Variants in APBB1IP observed in about 807,000 individuals in gnomAD.
APBB1IP encodes amyloid beta precursor protein binding family B member 1 interacting protein.
A neutral mutation model predicts 64.9 loss-of-function variants in APBB1IP; 27 were observed. The ratio of observed to expected loss-of-function variants is 0.42; its 90% CI spans 0.31 to 0.57. The LOEUF (loss-of-function observed/expected upper bound fraction) is 0.57. Ranked by LOEUF, APBB1IP falls within the 20% of genes least tolerant of loss-of-function variation. The pLI, the probability that APBB1IP is intolerant of heterozygous loss-of-function variation, is 0.20. For missense variants in APBB1IP, 812 were observed against 845.5 expected (o/e 0.96, Z 0.49); for synonymous variants, 392 against 331.0 (o/e 1.18, Z -2.00).
intron 2 of APBB1IP, among the ~76,000 whole-genome samples, chr10:26,466,461 A>G (rs892079858): frequency 1.3e-5 from 2 of 152,200 alleles, no homozygotes; most frequent in African/African-American, 4.8e-5. Context: ...AAAGAAAGAA[A>G]GTTTTTCATC....
chr10:26,492,834 C>T (rs1229240195), intron 3 of APBB1IP, among the ~76,000 whole-genome samples: 1 of 152,142 alleles, frequency 6.6e-6, no homozygotes, highest in Non-Finnish European at 1.5e-5. Flanking sequence ...GTTCCATGCC[C>T]CGCTGTGCAC....
At chr10:26,502,464 A>G (rs1836117030) in intron 5 of APBB1IP, among the ~76,000 whole-genome samples, 1 of 151,902 alleles carries the variant, frequency 6.6e-6, no homozygotes, top group African/African-American at 2.4e-5. Flanking sequence ...ACACCGTGAA[A>G]CTCCATCTCT....
chr10:26,450,324 C>T (rs534139739), intron 2 of APBB1IP, among the ~76,000 whole-genome samples: 1 of 152,246 alleles, frequency 6.6e-6, no homozygotes, highest in Non-Finnish European at 1.5e-5. Flanking sequence ...AATTAAATCC[C>T]CCCTAGAAGT....
At chr10:26,565,571 C>T (rs1375036472) in intron 14 of APBB1IP, among the ~76,000 whole-genome samples, 1 of 152,162 alleles carries the variant, frequency 6.6e-6, no homozygotes, top group Non-Finnish European at 1.5e-5. Context: ...TTGAACATAG[C>T]CAGATCTTCC....
chr10:26,552,036 T>A (rs1402097789), intron 11 of APBB1IP, among the ~76,000 whole-genome samples: 3 of 152,164 alleles, frequency 2.0e-5, no homozygotes, highest in Admixed American at 6.5e-5. Flanking sequence ...CAGTGGCTCA[T>A]GCCTGTAATC....
At chr10:26,553,371 G>A (rs1836856616) in intron 11 of APBB1IP, among the ~76,000 whole-genome samples, 15 of 151,832 alleles carry the variant, frequency 9.9e-5, no homozygotes. Context: ...ATTCCTTTCA[G>A]CCAGGCACAG....
chr10:26,543,597 C>T (rs117290710), intron 11 of APBB1IP, among the ~76,000 whole-genome samples: 2 of 151,622 alleles, frequency 1.3e-5, no homozygotes, highest in East Asian at 1.9e-4. Context: ...GGTGGGAATG[C>T]GGCAATTAAA....
At chr10:26,475,055 A>G (rs1835759546) in intron 2 of APBB1IP, among the ~76,000 whole-genome samples, 1 of 152,006 alleles carries the variant, frequency 6.6e-6, no homozygotes. Context: ...ACGTGGCTCT[A>G]TGAAAGCAGG....
At chr10:26,442,776 T>C (rs1267963796) in intron 2 of APBB1IP, among the ~76,000 whole-genome samples, 3 of 152,254 alleles carry the variant, frequency 2.0e-5, no homozygotes, top group African/African-American at 7.2e-5. Context: ...AGACATTTCC[T>C]GGTCTCCTTC....
At chr10:26,473,284 G>C (rs560232068) in intron 2 of APBB1IP, among the ~76,000 whole-genome samples, 1 of 152,194 alleles carries the variant, frequency 6.6e-6, no homozygotes, top group Non-Finnish European at 1.5e-5. Flanking sequence ...TGCTAGGTAG[G>C]CATTTGGTAC....
At position 26,504,195 on chromosome 10, in the gene APBB1IP, A is replaced by G. The variant is rs532912869; in HGVS notation, c.531+921A>G. On this transcript the variant is annotated intron_variant, in intron 6 of 14. Transcript: ENST00000376236. ...GCCCTGCTGCTGACCTAGATGTCCA[A>G]GTTATATCCCAGGGTACCAAATGCT... is the stretch of plus-strand genomic sequence containing the variant. Among the ~76,000 whole-genome samples the G allele has an allele frequency of 7.2e-5, 11 of 152,336 alleles. No individual in the cohort carries two copies. In the South Asian group the frequency reaches 8.3e-4, roughly 11 times the overall value.
At chr10:26,540,425 C>T (rs918689780) in intron 10 of APBB1IP, among the ~76,000 whole-genome samples, 15 of 151,994 alleles carry the variant, frequency 9.9e-5, no homozygotes, top group East Asian at 1.9e-4. Context: ...TACTACCAAA[C>T]TATTAACTAT....
chr10:26,527,300 C>A (rs1203213626), intron 8 of APBB1IP, among the ~76,000 whole-genome samples: 1 of 152,126 alleles, frequency 6.6e-6, no homozygotes, highest in Non-Finnish European at 1.5e-5. Flanking sequence ...GTAATCCCAA[C>A]ACTTTGGGAG....
intron 3 of APBB1IP, among the ~76,000 whole-genome samples, chr10:26,495,053 G>A (rs1322269807): frequency 6.6e-6 from 1 of 150,854 alleles, no homozygotes; most frequent in South Asian, 2.1e-4. Flanking sequence ...CTGTCACCAG[G>A]CTGGAGTGCA....
intron 2 of APBB1IP, among the ~76,000 whole-genome samples, chr10:26,464,353 T>C: frequency 6.6e-6 from 1 of 152,198 alleles, no homozygotes; most frequent in East Asian, 1.9e-4. Context: ...TATGTACCAG[T>C]TGCTGTGCCC....
At chr10:26,485,543 C>T (rs565699481) in intron 2 of APBB1IP, among the ~76,000 whole-genome samples, 3 of 152,290 alleles carry the variant, frequency 2.0e-5, no homozygotes, top group South Asian at 2.1e-4. Flanking sequence ...GATTCTATAA[C>T]GATAACAAAA....
intron 2 of APBB1IP, among the ~76,000 whole-genome samples, chr10:26,472,316 G>C (rs2132415535): frequency 6.6e-6 from 1 of 152,302 alleles, no homozygotes; most frequent in Non-Finnish European, 1.5e-5. Flanking sequence ...AAAGAGGCCT[G>C]GAGCCATGAA....
At chr10:26,442,568 C>T (rs1835349094) in intron 2 of APBB1IP, among the ~76,000 whole-genome samples, 1 of 152,156 alleles carries the variant, frequency 6.6e-6, no homozygotes, top group African/African-American at 2.4e-5. Context: ...CAGAGAGCTA[C>T]ATCACATCAA....
Position 26,505,323 on chromosome 10 carries a change from C to T in APBB1IP, c.531+2049C>T, listed in dbSNP as rs186340726. 3.5e-4 allele frequency among the ~76,000 whole-genome samples: 53 copies of T among 152,306 alleles called. 1 individual carries two copies. The highest frequency in any genetic ancestry group is 9.2e-4 in the Admixed American group (14 of 15,298). The stretch of plus-strand genomic sequence containing the variant: ...TTAGTCTGGTTCCACTCATTCCAAA[C>T]GTGCCCAAATTTCCTTACCATTCTT... On this transcript the variant is annotated intron_variant, in intron 6 of 14. Coordinates refer to ENST00000376236, the MANE Select transcript of APBB1IP (RefSeq NM_019043.4).
Sources: gnomAD v4.1 joint callset for allele counts (sites outside exome capture counted in the v4.1 genomes callset) on GRCh38, gnomAD v4.1.1 for gene constraint, MANE v1.5 for transcripts, NCBI Gene and HGNC (gene_info 2026-07-23, HGNC 2026-07-21) for gene names.